The following NXN variants were observed in gnomAD, a reference collection of about 807,000 sequenced individuals.
NXN encodes nucleoredoxin, also known as nucleoredoxin 1.
In NXN, 16 loss-of-function variants were observed where a neutral mutation model predicts 48.6. The observed-to-expected ratio is 0.33, with a 90% CI of 0.22 to 0.50. The LOEUF (loss-of-function observed/expected upper bound fraction) is 0.50, where lower values mean the gene tolerates loss of function less well. Among genes scored for constraint, NXN ranks in the 20% least tolerant of loss-of-function variants. NXN has a pLI of 0.98. For synonymous variants in NXN, 281 were observed against 269.6 expected, an observed-to-expected ratio of 1.04 and a Z score of -0.41; for missense variants, 492 against 605.5, an observed-to-expected ratio of 0.81 and a Z score of 1.97.
intron 5 of NXN, among the ~76,000 whole-genome samples, chr17:812,859 T>G (rs1912209654): frequency 7.5e-6 from 1 of 132,560 alleles, no homozygotes; most frequent in African/African-American, 2.9e-5. Flanking sequence ...TGCATGTGTG[T>G]AGGTGTGTGT....
chr17:831,775 T>C (rs8067010), intron 1 of NXN, among the ~76,000 whole-genome samples: 57,061 of 151,174 alleles, frequency 0.38, 11,008 homozygotes, highest in East Asian at 0.52. Context: ...GCTGGGATTA[T>C]AGGCATGACC....
intron 5 of NXN, among the ~76,000 whole-genome samples, chr17:813,532 T>G (rs765348724): frequency 4.6e-5 from 7 of 152,274 alleles, no homozygotes; most frequent in Non-Finnish European, 8.8e-5. Flanking sequence ...AATGATTTCC[T>G]TAATACGTGA....
At chr17:871,016 G>A (rs1345096563) in intron 1 of NXN, among the ~76,000 whole-genome samples, 11 of 151,826 alleles carry the variant, frequency 7.2e-5, no homozygotes, top group Non-Finnish European at 1.0e-4. Flanking sequence ...CCGCCATCAC[G>A]CCCAGCTAAA....
chr17:840,836 A>G (rs1284001731), intron 1 of NXN, among the ~76,000 whole-genome samples: 3 of 152,156 alleles, frequency 2.0e-5, no homozygotes, highest in African/African-American at 7.2e-5. Flanking sequence ...GCTGTCAAAC[A>G]CACAGACGAC....
chr17:932,616 C>T lies in NXN; in HGVS notation c.360+46703G>A, dbSNP rs78223934. 0.02 allele frequency among the ~76,000 whole-genome samples: 3,045 copies of T among 152,230 alleles called. 65 individuals carry two copies. Among genetic ancestry groups the T allele is most frequent in the Non-Finnish European group, 0.032 (2,186 of 68,004 alleles). On this transcript the variant is annotated intron_variant, in intron 1 of 7. Coordinates refer to ENST00000336868, the MANE Select transcript of NXN (RefSeq NM_022463.5). The surrounding 1 kb of genome is among the most constrained non-coding windows in gnomAD (Gnocchi z 4.1). ...GGGCTAGTTTCCCCAGGTTCTGGGC[C>T]CCTGCCCTGTGTGAGCTCTAGTGGG...
chr17:911,761 C>T (rs1358888448), intron 1 of NXN, among the ~76,000 whole-genome samples: 3 of 134,510 alleles, frequency 2.2e-5, no homozygotes, highest in South Asian at 2.3e-4. Flanking sequence ...CCACAGGGCC[C>T]GGCCAATTTT....
intron 1 of NXN, among the ~76,000 whole-genome samples, chr17:859,251 G>A (rs1364164869): frequency 2.6e-5 from 4 of 152,126 alleles, no homozygotes; most frequent in Admixed American, 6.5e-5. Context: ...GTTTATCCAC[G>A]CTGACCGATA....
rs568466160 is a variant in NXN at position 972,837 on chromosome 17, A to G, written c.360+6482T>C. The stretch of plus-strand genomic sequence containing the variant: ...ACGAGGTCAGGAGATCGAGACCATC[A>G]TGGCTAACACGGTGAAACCCCGTCT... On this transcript the variant is annotated intron_variant, in intron 1 of 7. Transcript: ENST00000336868. 7.2e-5 allele frequency among the ~76,000 whole-genome samples: 11 copies of G among 152,166 alleles called. 1 individual carries two copies. In the South Asian group the frequency reaches 1.2e-3, roughly 17 times the overall value.
At chr17:812,352 C>T (rs1177801944) in intron 5 of NXN, among the ~76,000 whole-genome samples, 1 of 152,234 alleles carries the variant, frequency 6.6e-6, no homozygotes, top group Non-Finnish European at 1.5e-5. Context: ...GTGGAGGCGG[C>T]TCCCTTTGGG....
intron 1 of NXN, chr17:863,953 C>A: frequency 6.5e-7 from 1 of 1,532,902 alleles, no homozygotes; most frequent in South Asian, 1.2e-5. Context: ...GCAGCAATGC[C>A]TGGGAACTGA....
chr17:806,798 C>A (rs571012181), intron 5 of NXN, among the ~76,000 whole-genome samples: 2 of 152,098 alleles, frequency 1.3e-5, no homozygotes, highest in African/African-American at 4.8e-5. Context: ...TGCCTGCCTT[C>A]GAAAGGAATC....
chr17:886,966 C>G (rs1018885735), intron 1 of NXN, among the ~76,000 whole-genome samples: 6 of 151,942 alleles, frequency 3.9e-5, no homozygotes, highest in Non-Finnish European at 8.8e-5. Context: ...GGCTGGAGTG[C>G]AGTGGAGTGA....
chr17:864,243 G>A (rs2144788865), intron 1 of NXN: 2 of 1,213,530 alleles, frequency 1.6e-6, no homozygotes, highest in East Asian at 5.1e-5. Flanking sequence ...CAACTTTTCT[G>A]TAGGTCTGAA....
chr17:809,650 C>T (rs888287997), intron 5 of NXN, among the ~76,000 whole-genome samples: 21 of 152,172 alleles, frequency 1.4e-4, no homozygotes, highest in African/African-American at 4.6e-4. Context: ...GAAGGAAAAG[C>T]AGGTTCTAGG....
rs150768623 is a variant in NXN at position 803,702 on chromosome 17, G to C, written c.1105C>G (p.Leu369Val). The change falls in exon 7 of 8, where the codon CTG becomes GTG. Residue 369 changes from leucine to valine, a missense_variant. Physicochemically the swap from Leu to Val is conservative, Grantham distance 32. Coordinates refer to ENST00000336868, the MANE Select transcript of NXN (RefSeq NM_022463.5). ...YKAKEEEAPLLFFVAGEDDMT... is the reference protein window; with the variant it reads ...YKAKEEEAPLVFFVAGEDDMT... ...CTCACCTCCCCGGCTACGAAGAACAGAAGGGGTGCCTCCTCCTCTTTGGCT... is the reference window on the plus strand; with the variant it reads ...CTCACCTCCCCGGCTACGAAGAACACAAGGGGTGCCTCCTCCTCTTTGGCT... 3 of 1,614,242 alleles carry C rather than the reference G, an allele frequency of 1.9e-6. No homozygotes were observed. The highest frequency in any genetic ancestry group is 1.7e-5 in the Admixed American group (1 of 60,030).
At chr17:801,440 A>AT (rs773810580) in intron 7 of NXN, among the ~76,000 whole-genome samples, 1 of 84,420 alleles carries the variant, frequency 1.2e-5, no homozygotes, top group Non-Finnish European at 2.6e-5. Context: ...GAAATGTCAC[A>AT]TTCTTTTTTT....
chr17:876,394 C>T (rs190396639), intron 1 of NXN, among the ~76,000 whole-genome samples: 2 of 152,274 alleles, frequency 1.3e-5, no homozygotes, highest in Non-Finnish European at 2.9e-5. Context: ...AACAACGGTG[C>T]TCAAGGAAGT....
intron 1 of NXN, among the ~76,000 whole-genome samples, chr17:864,835 C>A (rs1486535291): frequency 6.6e-6 from 1 of 152,162 alleles, no homozygotes; most frequent in Non-Finnish European, 1.5e-5. Flanking sequence ...GCAACCCAGG[C>A]GGTGTTCTGT....
chr17:828,691 C>T (rs1913276722), intron 1 of NXN, among the ~76,000 whole-genome samples: 2 of 152,138 alleles, frequency 1.3e-5, no homozygotes, highest in South Asian at 2.1e-4. Context: ...CGTGGGCCAC[C>T]GCACCCGGCC....
Sources: gnomAD v4.1 joint callset for allele counts (sites outside exome capture counted in the v4.1 genomes callset) on GRCh38, gnomAD v4.1.1 for gene constraint, Gnocchi (gnomAD v3.1) non-coding constraint, MANE v1.5 for transcripts, NCBI Gene and HGNC (gene_info 2026-07-23, HGNC 2026-07-21) for gene names.